PCM1: variants seen among roughly 807,000 people sequenced by gnomAD.
PCM1 encodes the protein pericentriolar material 1.
In PCM1, 157 loss-of-function variants were observed where a neutral mutation model predicts 241.9. That is an observed-to-expected ratio of 0.65 (90% CI 0.57 to 0.74). The LOEUF (loss-of-function observed/expected upper bound fraction) is 0.74, where lower values mean the gene tolerates loss of function less well. PCM1 is among the 30% of genes least tolerant of loss of function. The pLI is 0.00. For missense variants in PCM1, 3,478 were observed against 2,360.1 expected (o/e 1.47, Z -9.81); for synonymous variants, 1,085 against 784.9 (o/e 1.38, Z -6.39).
rs1421127125 is a variant in PCM1, at chr8:17,966,997, A to G, written c.3239A>G (p.Asn1080Ser). Residue 1080 changes from asparagine (N) to serine (S), a missense_variant, in exon 21 of 39, where the codon AAT (asparagine) becomes AGT (serine). Asn to Ser is a conservative substitution (Grantham distance 46). Coordinates refer to ENST00000325083, the MANE Select transcript of PCM1 (RefSeq NM_006197.4). ...CTTTGTAGGTTGAAACAAATGCTAA[A>G]TGAACTTATGCGCCAGCAAAATCAG... Reference protein sequence around the residue: ...NNVQRLKQMLNELMRQQNQHP... With the variant: ...NNVQRLKQMLSELMRQQNQHP... 3.5e-5 allele frequency: 57 copies of G among 1,605,644 alleles called. No homozygotes were observed. The highest frequency in any genetic ancestry group is 4.1e-5 in the Non-Finnish European group (48 of 1,175,874).
intron 2 of PCM1, chr8:17,934,795 C>G (rs985877772): frequency 6.6e-6 from 1 of 152,188 alleles, no homozygotes; most frequent in Non-Finnish European, 1.5e-5. Context: ...TTCTGATGAT[C>G]ATCTCTGCCT....
chr8:17,955,538 G>C lies in PCM1; in HGVS notation c.1357G>C (p.Val453Leu), dbSNP rs957724175. 3.1e-6 allele frequency: 5 copies of C among 1,613,674 alleles called. No individual in the cohort carries two copies. Among genetic ancestry groups the C allele is most frequent in the South Asian group, 1.1e-5 (1 of 91,026 alleles). The change falls in exon 10 of 39, where the codon GTT becomes CTT. Residue 453 changes from valine to leucine, a missense_variant. Coordinates refer to ENST00000325083, the MANE Select transcript of PCM1 (RefSeq NM_006197.4). Reference protein sequence around the residue: ...APSASVGLAPVVNGESNSLTS... With the variant: ...APSASVGLAPLVNGESNSLTS... ...CTCTGCTTCTGTAGGCTTGGCACCG[G>C]TTGTCAATGGAGAATCCAATAGCCT...
chr8:17,939,717 C>T lies in PCM1; in HGVS notation c.639C>T (p.Arg213=), dbSNP rs759081664. The change falls in exon 6 of 39, where the codon CGC becomes CGT. Residue 213 remains arginine (R), a synonymous_variant. Transcript: ENST00000325083. ...TTGTAAGCAGGCTTGTTCAAATTCG[C>T]GATTATATTACTAAAGCTAGTTCCA... ...SQIVSRLVQI[R]DYITKASSMR... is the part of the protein sequence containing the mutation. 2.7e-5 allele frequency: 42 copies of T among 1,540,904 alleles called. No individual in the cohort carries two copies. Among genetic ancestry groups the T allele is most frequent in the South Asian group, 1.9e-4 (15 of 79,564 alleles).
chr8:17,999,983 A>AT (rs2088679780), intron 29 of PCM1, among the ~76,000 whole-genome samples: 1 of 152,220 alleles, frequency 6.6e-6, no homozygotes, highest in East Asian at 1.9e-4. Context: ...CTGAAATAAC[A>AT]TAAGTAAATA....
intron 36 of PCM1, among the ~76,000 whole-genome samples, chr8:18,019,009 C>T (rs145424320): frequency 2.0e-5 from 3 of 151,336 alleles, no homozygotes; most frequent in African/African-American, 4.9e-5. Context: ...ATTCCAAATC[C>T]TAACACTTTG....
At chr8:17,953,912 G>A (rs1440340363) in intron 9 of PCM1, among the ~76,000 whole-genome samples, 1 of 152,192 alleles carries the variant, frequency 6.6e-6, no homozygotes, top group Non-Finnish European at 1.5e-5. Flanking sequence ...TCTAGCTGCT[G>A]TCTAATTAAA....
chr8:18,027,187 G>C lies in PCM1; in HGVS notation c.6050-450G>C, dbSNP rs115260348. On this transcript the variant is annotated intron_variant, in intron 38 of 38. Coordinates refer to ENST00000325083, the MANE Select transcript of PCM1 (RefSeq NM_006197.4). Reference sequence around the variant, plus strand: ...GATATCAGACCTTCAGTTAATTTCTGTTTTCAGCCCACTTCTACCTGTTAG... The same window carrying C: ...GATATCAGACCTTCAGTTAATTTCTCTTTTCAGCCCACTTCTACCTGTTAG... 4.0e-3 allele frequency among the ~76,000 whole-genome samples: 608 copies of C among 152,304 alleles called. 3 individuals are homozygous for C. The highest frequency in any genetic ancestry group is 0.013 in the African/African-American group (559 of 41,564).
At chr8:17,988,685 A>G (rs1015450910) in intron 26 of PCM1, among the ~76,000 whole-genome samples, 2 of 151,942 alleles carry the variant, frequency 1.3e-5, no homozygotes, top group African/African-American at 4.8e-5. Flanking sequence ...AACTCAGTAA[A>G]AACTGGGCAA....
At chr8:17,964,215 A>G (rs1342067998) in intron 17 of PCM1, among the ~76,000 whole-genome samples, 2 of 152,242 alleles carry the variant, frequency 1.3e-5, no homozygotes, top group Non-Finnish European at 2.9e-5. Flanking sequence ...TGTATTGGAT[A>G]GCACAGATAC....
intron 29 of PCM1, among the ~76,000 whole-genome samples, chr8:18,001,868 G>C (rs1284723289): frequency 1.3e-5 from 2 of 152,074 alleles, no homozygotes; most frequent in Middle Eastern, 3.4e-3. Context: ...TTACAGCTGA[G>C]AGGAAAAAGT....
chr8:18,014,980 T>G, intron 36 of PCM1, 140 bp downstream of exon 36: 2 of 721,490 alleles, frequency 2.8e-6, no homozygotes, highest in Non-Finnish European at 4.4e-6. Flanking sequence ...TAATTCACAC[T>G]TTAACTTTAG....
rs140486364 is a variant in PCM1, at chr8:17,971,823, C to T, written c.3585-506C>T. On this transcript the variant is annotated intron_variant, in intron 22 of 38. Transcript: ENST00000325083. ...GTTGATAACGATCATAGCTCACTGC[C>T]TCCTTGAATTCCTGGGCTCAAGGGA... 3.9e-3 allele frequency among the ~76,000 whole-genome samples: 596 copies of T among 152,296 alleles called. 4 individuals carry two copies. Among genetic ancestry groups the T allele is most frequent in the African/African-American group, 0.014 (580 of 41,570 alleles).
At chr8:18,026,037 G>T (rs569065767) in intron 38 of PCM1, among the ~76,000 whole-genome samples, 2 of 151,044 alleles carry the variant, frequency 1.3e-5, no homozygotes, top group African/African-American at 2.4e-5. Flanking sequence ...GGTGGCGGGC[G>T]CCTGTAGTGC....
intron 29 of PCM1, among the ~76,000 whole-genome samples, 178 bp downstream of exon 29, chr8:17,993,797 A>G (rs1261716824): frequency 1.3e-5 from 2 of 152,048 alleles, no homozygotes; most frequent in Non-Finnish European, 2.9e-5. Context: ...TTTTATACAC[A>G]TGTGCATATT....
rs770106877 is a variant in PCM1 at position 17,937,163 on chromosome 8, T to C, written c.126T>C (p.Asn42=). The C allele has an allele frequency of 1.3e-6, 2 of 1,573,460 alleles. No homozygotes were observed. Among genetic ancestry groups the C allele is most frequent in the East Asian group, 4.6e-5 (2 of 43,382 alleles). ...GGGGTGCCCAACAGAAGAAAGCAAATAGATCATCAGAAAAGAATAAGAAAA... is the reference window on the plus strand; with the variant it reads ...GGGGTGCCCAACAGAAGAAAGCAAACAGATCATCAGAAAAGAATAAGAAAA... ...MDWGAQQKKA[N]RSSEKNKKKF... is the part of the protein sequence containing the mutation. Residue 42 remains asparagine (N), a synonymous_variant, in exon 4 of 39, where the codon AAT becomes AAC. Coordinates refer to ENST00000325083, the MANE Select transcript of PCM1 (RefSeq NM_006197.4).
intron 2 of PCM1, chr8:17,934,832 C>T (rs1376825486): frequency 6.6e-6 from 1 of 152,172 alleles, no homozygotes; most frequent in Non-Finnish European, 1.5e-5. Flanking sequence ...ACCATTGCTG[C>T]TGCTTTTTCT....
At position 18,006,607 on chromosome 8, in the gene PCM1, A is replaced by C. The variant is rs541408716; in HGVS notation, c.4962+210A>C. 3.3e-5 allele frequency among the ~76,000 whole-genome samples: 5 copies of C among 152,246 alleles called. No individual in the cohort carries two copies. In the South Asian group the frequency reaches 1.0e-3, roughly 32 times the overall value. The stretch of plus-strand genomic sequence containing the variant: ...TAGGTCCTGTTTGTATCTTCATTTA[A>C]TTTGGTCATCTCTAAGGCATGTCTC... On this transcript the variant is annotated intron_variant, in intron 30 of 38. Transcript: ENST00000325083.
At chr8:17,974,612 G>T (rs892004587) in intron 23 of PCM1, among the ~76,000 whole-genome samples, 37 of 152,050 alleles carry the variant, frequency 2.4e-4, no homozygotes, top group African/African-American at 8.9e-4. Context: ...GCTAATTTAT[G>T]GCTATGACCA....
At chr8:17,991,022 A>C (rs1587982182) in intron 27 of PCM1, among the ~76,000 whole-genome samples, 1 of 149,326 alleles carries the variant, frequency 6.7e-6, no homozygotes, top group Non-Finnish European at 1.5e-5. Flanking sequence ...TTCGACTCCT[A>C]CGTATTTTCT....
Sources: allele counts gnomAD v4.1 joint callset (sites outside exome capture counted in the v4.1 genomes callset), GRCh38; gene constraint gnomAD v4.1.1; transcripts MANE v1.5; gene names NCBI Gene and HGNC (gene_info 2026-07-23, HGNC 2026-07-21).